Variants in PHLDB2 observed in about 807,000 individuals in gnomAD.
PHLDB2 encodes pleckstrin homology like domain family B member 2, also known as pleckstrin homology-like domain family B member 2.
In PHLDB2, 71 loss-of-function variants were observed where a neutral mutation model predicts 123.6. The observed-to-expected ratio is 0.57, with a 90% CI of 0.47 to 0.70. The LOEUF (loss-of-function observed/expected upper bound fraction) is 0.70, where lower values mean the gene tolerates loss of function less well. Ranked by LOEUF, PHLDB2 falls within the 30% of genes least tolerant of loss-of-function variation. The pLI, the probability that PHLDB2 is intolerant of heterozygous loss-of-function variation, is 0.00. For synonymous variants in PHLDB2, 547 were observed against 541.6 expected (o/e 1.01, Z -0.14); for missense variants, 1,446 against 1,519.5 (o/e 0.95, Z 0.80).
chr3:111,898,178 G>GTGTT (rs767812420), intron 2 of PHLDB2, among the ~76,000 whole-genome samples: 5 of 96,144 alleles, frequency 5.2e-5, no homozygotes, highest in Non-Finnish European at 1.3e-4. Context: ...GTGTGTGTGT[G>GTGTT]TGTTTGTGTG....
At chr3:111,784,502 G>A (rs1441924298) in intron 1 of PHLDB2, among the ~76,000 whole-genome samples, 1 of 152,164 alleles carries the variant, frequency 6.6e-6, no homozygotes, top group East Asian at 1.9e-4. Flanking sequence ...GTGTCTGTGA[G>A]TGGGTGTGAT....
intron 1 of PHLDB2, among the ~76,000 whole-genome samples, chr3:111,754,069 G>A (rs1232113911): frequency 1.3e-5 from 2 of 152,048 alleles, no homozygotes; most frequent in Non-Finnish European, 2.9e-5. Flanking sequence ...AGTATAGTTT[G>A]AAGTCAGGTA....
chr3:111,851,455 AAAAAGG>A (rs1158603757), intron 2 of PHLDB2, among the ~76,000 whole-genome samples: 2 of 152,074 alleles, frequency 1.3e-5, no homozygotes, highest in African/African-American at 4.8e-5. Context: ...CATAACTCTG[AAAAAGG>A]AAAAGGGCAG....
intron 12 of PHLDB2, chr3:111,958,766 C>G (rs1249182967): frequency 2.2e-6 from 1 of 454,368 alleles, no homozygotes; most frequent in East Asian, 7.0e-5. Context: ...TAATGTTATT[C>G]TTGCTACATA....
At chr3:111,765,510 C>T (rs902594300) in intron 1 of PHLDB2, among the ~76,000 whole-genome samples, 2 of 152,224 alleles carry the variant, frequency 1.3e-5, no homozygotes, top group Non-Finnish European at 2.9e-5. Context: ...CAGTGCAAAG[C>T]ATCCAGGAAA....
intron 10 of PHLDB2, among the ~76,000 whole-genome samples, chr3:111,950,428 A>C (rs2070638303): frequency 6.6e-6 from 1 of 152,080 alleles, no homozygotes; most frequent in South Asian, 2.1e-4. Context: ...CTCCATATTA[A>C]AGTTTTGGGA....
At chr3:111,777,888 A>G (rs1433376367) in intron 1 of PHLDB2, among the ~76,000 whole-genome samples, 2 of 142,944 alleles carry the variant, frequency 1.4e-5, no homozygotes, top group Non-Finnish European at 3.0e-5. Flanking sequence ...TAGATGTTAC[A>G]TATTCTTCTA....
chr3:111,903,289 A>G (rs1408398090), intron 2 of PHLDB2, among the ~76,000 whole-genome samples: 3 of 152,156 alleles, frequency 2.0e-5, no homozygotes, highest in Admixed American at 1.3e-4. Flanking sequence ...TAATAAGACA[A>G]TGGATTTTTT....
intron 12 of PHLDB2, among the ~76,000 whole-genome samples, chr3:111,958,877 C>A (rs1379080525): frequency 6.6e-6 from 1 of 152,174 alleles, no homozygotes; most frequent in Non-Finnish European, 1.5e-5. Flanking sequence ...CATTCCACTT[C>A]CTTATTTGAC....
At chr3:111,771,504 T>C (rs2060176825) in intron 1 of PHLDB2, among the ~76,000 whole-genome samples, 1 of 152,102 alleles carries the variant, frequency 6.6e-6, no homozygotes. Flanking sequence ...CACGCCCAGC[T>C]AATTTTTTGT....
intron 1 of PHLDB2, among the ~76,000 whole-genome samples, chr3:111,822,539 C>G (rs569273783): frequency 1.3e-5 from 2 of 152,108 alleles, no homozygotes; most frequent in African/African-American, 4.8e-5. Context: ...GACCACCACA[C>G]ATTTCTAGTA....
chr3:111,825,692 C>T (rs2062619909), intron 1 of PHLDB2, among the ~76,000 whole-genome samples: 1 of 152,226 alleles, frequency 6.6e-6, no homozygotes, highest in Admixed American at 6.5e-5. Context: ...AAGTGATCTG[C>T]CCACCTTGGC....
At chr3:111,964,309 G>A (rs960201527) in intron 13 of PHLDB2, among the ~76,000 whole-genome samples, 11 of 151,350 alleles carry the variant, frequency 7.3e-5, no homozygotes, top group Non-Finnish European at 1.0e-4. Flanking sequence ...ACACACAAAA[G>A]GTAACTACAT....
intron 1 of PHLDB2, among the ~76,000 whole-genome samples, chr3:111,883,060 A>G (rs2066008248): frequency 6.6e-6 from 1 of 152,216 alleles, no homozygotes; most frequent in African/African-American, 2.4e-5. Context: ...GGACAGTTAT[A>G]GTGGTTCATG....
chr3:111,913,689 G>C lies in PHLDB2; in HGVS notation c.1706G>C (p.Ser569Thr). 3.7e-6 allele frequency: 6 copies of C among 1,612,226 alleles called. No homozygotes were observed. Among genetic ancestry groups the C allele is most frequent in the Non-Finnish European group, 5.1e-6 (6 of 1,178,628 alleles). ...PKASSESSYL[S>T]ILPKTPEGIS... Reference sequence around the variant, plus strand: ...GCTTCCAGCGAGTCCTCTTATCTAAGTATCCTACCAAAGGTAATGTTGGCC... The same window carrying C: ...GCTTCCAGCGAGTCCTCTTATCTAACTATCCTACCAAAGGTAATGTTGGCC... Residue 569 changes from serine to threonine, a missense_variant, in exon 3 of 18, where the codon AGT becomes ACT. Physicochemically the swap from Ser to Thr is moderately conservative, Grantham distance 58. Transcript: ENST00000431670.
At chr3:111,952,481 T>G in intron 10 of PHLDB2, 91 bp from the exon 11 acceptor site, 8 of 1,391,726 alleles carry the variant, frequency 5.7e-6, no homozygotes, top group Non-Finnish European at 6.8e-6. Context: ...AAAATTCCAG[T>G]TTTTTTTGTA....
In PHLDB2 at chr3:111,839,682, A is replaced by G. The variant is rs147611384; in HGVS notation, c.-48-6139A>G. ...TTCTTTTTTAATTGTGTTGGTTATA[A>G]TCTCTAGGAAAAAAATGTTCAATAG... On this transcript the variant is annotated intron_variant, in intron 1 of 17. Transcript: ENST00000393923. Among the ~76,000 whole-genome samples, 590 of 152,004 alleles carry G rather than the reference A, an allele frequency of 3.9e-3. 3 individuals carry two copies. Among genetic ancestry groups the G allele is most frequent in the African/African-American group, 0.013 (555 of 41,468 alleles).
chr3:111,753,496 G>C (rs2059822932), intron 1 of PHLDB2, among the ~76,000 whole-genome samples: 2 of 149,186 alleles, frequency 1.3e-5, no homozygotes, highest in African/African-American at 4.9e-5. Context: ...TGATGGGGTT[G>C]TTTGTTTTTT....
intron 4 of PHLDB2, 94 bp from the exon 5 acceptor site, chr3:111,920,188 G>C (rs1055836530): frequency 4.1e-5 from 59 of 1,424,378 alleles, no homozygotes; most frequent in Non-Finnish European, 5.3e-5. Flanking sequence ...ATTACTTTTG[G>C]AAATTTGTAG....
Sources: gnomAD v4.1 joint callset for allele counts (sites outside exome capture counted in the v4.1 genomes callset) on GRCh38, gnomAD v4.1.1 for gene constraint, MANE v1.5 for transcripts, NCBI Gene and HGNC (gene_info 2026-07-23, HGNC 2026-07-21) for gene names.